The following PPA1 variants were observed in gnomAD, a reference collection of about 807,000 sequenced individuals.
PPA1 encodes inorganic pyrophosphatase 1.
Under a neutral mutation model 41.8 loss-of-function variants are expected in PPA1, and 23 were observed. The ratio of observed to expected loss-of-function variants is 0.55; its 90% CI spans 0.40 to 0.78. The LOEUF (loss-of-function observed/expected upper bound fraction) is 0.78, where lower values mean the gene tolerates loss of function less well. Among genes scored for constraint, PPA1 ranks in the 30% least tolerant of loss-of-function variants. The pLI is 0.00. For synonymous variants in PPA1, 101 were observed against 116.8 expected, an observed-to-expected ratio of 0.86 and a Z score of 0.87; for missense variants, 320 against 361.6, an observed-to-expected ratio of 0.89 and a Z score of 0.93.
At chr10:70,206,234 T>C in intron 9 of PPA1, 30 bp downstream of exon 9, 1 of 1,515,624 alleles carries the variant, frequency 6.6e-7, no homozygotes, top group Non-Finnish European at 9.1e-7. Flanking sequence ...CAACCAGGCT[T>C]GTTTTTTTTT....
At position 70,217,805 on chromosome 10, in the gene PPA1, GAC is replaced by G; in HGVS notation, c.297+5_297+6del. On this transcript the variant is annotated splice_donor_5th_base_variant and intron_variant, in intron 4 of 10. Coordinates refer to ENST00000373232, the MANE Select transcript of PPA1 (RefSeq NM_021129.4). Reference sequence around the variant, plus strand: ...AGTACATTGTCAGCAGTTGCATGAAGACATACCTGAGGGATGGCACCATAGTT... The same window carrying G: ...AGTACATTGTCAGCAGTTGCATGAAGATACCTGAGGGATGGCACCATAGTT... The G allele has an allele frequency of 6.5e-7, 1 of 1,544,712 alleles. No individual in the cohort carries two copies. Among genetic ancestry groups the G allele is most frequent in the African/African-American group, 1.4e-5 (1 of 73,140 alleles).
chr10:70,223,217 AAGAGAG>A (rs10686040), intron 2 of PPA1, among the ~76,000 whole-genome samples: 15 of 148,726 alleles, frequency 1.0e-4, no homozygotes, highest in Non-Finnish European at 1.5e-4. Context: ...CATTTTTTTA[AAGAGAG>A]AGAGAGAGAG....
chr10:70,206,700 C>T (rs746815799), intron 8 of PPA1, among the ~76,000 whole-genome samples: 44 of 150,632 alleles, frequency 2.9e-4, no homozygotes, highest in Non-Finnish European at 4.1e-4. Context: ...AAAAATTAGC[C>T]GGGCATGGTG....
At position 70,209,559 on chromosome 10, in the gene PPA1, T is replaced by G; in HGVS notation, c.638A>C (p.Lys213Thr). Residue 213 changes from lysine (K) to threonine (T), a missense_variant and splice_region_variant, in exon 7 of 11, where the codon AAG becomes ACG. Coordinates refer to ENST00000373232, the MANE Select transcript of PPA1 (RefSeq NM_021129.4). ...CTACAGTTCTGAATGACATATTACC[T>G]TATCTTTAAATTCTGCATTAAACGC... ...EFAFNAEFKD[K>T]DFAIDIIKST... 1 of 1,598,004 alleles carries G rather than the reference T, an allele frequency of 6.3e-7. No individual in the cohort carries two copies. Among genetic ancestry groups the G allele is most frequent in the Non-Finnish European group, 8.5e-7 (1 of 1,176,284 alleles).
intron 9 of PPA1, chr10:70,205,550 C>CA (rs1396684493): frequency 2.6e-5 from 4 of 152,042 alleles, no homozygotes; most frequent in Non-Finnish European, 5.9e-5. Flanking sequence ...TAACCACTGG[C>CA]TTTTCCCTTA....
chr10:70,206,082 C>G lies in PPA1; in HGVS notation c.795+182G>C. 5.1e-6 allele frequency: 3 copies of G among 587,626 alleles called. No homozygotes were observed. In the East Asian group the frequency reaches 8.5e-5, roughly 17 times the overall value. 36.4% of individuals were successfully genotyped at this position (587,626 alleles called of 1,614,324 possible). A position where few individuals can be genotyped will look rare whatever the true frequency, so the allele number is the denominator to read the frequency against. On this transcript the variant is annotated intron_variant, in intron 9 of 10. Coordinates refer to ENST00000373232, the MANE Select transcript of PPA1 (RefSeq NM_021129.4). Reference sequence around the variant, plus strand: ...TGATTGATTAGAATCACTCCCTCAGCTTCTCCCTCAGTCAAATGGCCACTT... The same window carrying G: ...TGATTGATTAGAATCACTCCCTCAGGTTCTCCCTCAGTCAAATGGCCACTT...
At chr10:70,212,637 G>C (rs1360421850) in intron 6 of PPA1, among the ~76,000 whole-genome samples, 2 of 152,178 alleles carry the variant, frequency 1.3e-5, no homozygotes, top group Admixed American at 1.3e-4. Context: ...CCTAGAATAG[G>C]TAGAATAGGC....
At chr10:70,213,790 C>CA (rs148400955) in intron 5 of PPA1, among the ~76,000 whole-genome samples, 313 of 150,712 alleles carry the variant, frequency 2.1e-3, no homozygotes, top group Non-Finnish European at 3.0e-3. Context: ...CTTATAGGTC[C>CA]TATTTTCTTC....
intron 2 of PPA1, among the ~76,000 whole-genome samples, chr10:70,220,739 TTATATATATATAATATATATAA>T (rs1840141037): frequency 1.7e-4 from 1 of 5,740 alleles, no homozygotes; most frequent in Non-Finnish European, 2.7e-4. Context: ...TATATATAAT[TTATATATATATAATATATATAA>T]TTTATATATA....
At chr10:70,207,338 T>C (rs1482036796) in intron 8 of PPA1, among the ~76,000 whole-genome samples, 1 of 152,200 alleles carries the variant, frequency 6.6e-6, no homozygotes, top group Non-Finnish European at 1.5e-5. Flanking sequence ...CCATAAAACA[T>C]ATTATACAGA....
intron 1 of PPA1, among the ~76,000 whole-genome samples, chr10:70,232,182 A>G (rs1840295650): frequency 1.3e-5 from 2 of 152,140 alleles, no homozygotes; most frequent in African/African-American, 4.8e-5. Flanking sequence ...GCACCAGGCT[A>G]CTTTTTGTTC....
chr10:70,218,067 T>A, intron 3 of PPA1, 136 bp from the exon 4 acceptor site: 1 of 779,798 alleles, frequency 1.3e-6, no homozygotes, highest in Non-Finnish European at 1.9e-6. Context: ...AACACTTTTA[T>A]AATTGAACTA....
chr10:70,233,112 T>G (rs1357834133), intron 1 of PPA1, 152 bp downstream of exon 1: 1 of 855,078 alleles, frequency 1.2e-6, no homozygotes, highest in Admixed American at 3.9e-5. Context: ...AAGTATGCAA[T>G]GTGAGGCCGG....
In PPA1 at chr10:70,233,359, A is replaced by T; in HGVS notation, c.-32T>A. 1 of 1,530,972 alleles carries T rather than the reference A, an allele frequency of 6.5e-7. No homozygotes were observed. Among genetic ancestry groups the T allele is most frequent in the Non-Finnish European group, 8.8e-7 (1 of 1,141,576 alleles). 94.8% of individuals were successfully genotyped at this position (1,530,972 alleles called of 1,614,324 possible). A position where few individuals can be genotyped will look rare whatever the true frequency, so the allele number is the denominator to read the frequency against. On this transcript the variant is annotated 5_prime_UTR_variant, in exon 1 of 11. Transcript: ENST00000373232. ...GGAGTCCTGCCGCCGCCGCTGCCAC[A>T]GAGCCACCAGCCCGCACGCGGCGCC...
rs141014896 is a variant in PPA1 at position 70,209,782 on chromosome 10, C to T, written c.512-97G>A. 3.7e-4 allele frequency: 501 copies of T among 1,362,598 alleles called. 1 individual carries two copies. In the Middle Eastern group the frequency reaches 7.1e-3, roughly 19 times the overall value. 84.4% of individuals were successfully genotyped at this position (1,362,598 alleles called of 1,614,324 possible). A position where few individuals can be genotyped will look rare whatever the true frequency, so the allele number is the denominator to read the frequency against. ...TTCAAGATGCACAAATAATTATACA[C>T]TCAACAAAAATTCCAAGTACTTATT... On this transcript the variant is annotated intron_variant, in intron 6 of 10. Coordinates refer to ENST00000373232, the MANE Select transcript of PPA1 (RefSeq NM_021129.4).
intron 6 of PPA1, chr10:70,210,027 C>A: frequency 6.4e-6 from 2 of 310,342 alleles, no homozygotes; most frequent in East Asian, 1.0e-4. Context: ...ACCAGTTTGG[C>A]AAATGTAGAT....
At chr10:70,212,188 G>C (rs945096551) in intron 6 of PPA1, among the ~76,000 whole-genome samples, 5 of 152,160 alleles carry the variant, frequency 3.3e-5, no homozygotes, top group African/African-American at 1.2e-4. Context: ...GAATTCTTCT[G>C]CTTTGAGATT....
Position 70,227,399 on chromosome 10 carries a change from C to G in PPA1, c.123+2942G>C, listed in dbSNP as rs370254041. ...ACACAGTGGCTCACGCCTGCAACCC[C>G]AGCACTTCTGGAGGCTGAGGTGGGC... On this transcript the variant is annotated intron_variant, in intron 2 of 10. Coordinates refer to ENST00000373232, the MANE Select transcript of PPA1 (RefSeq NM_021129.4). Among the ~76,000 whole-genome samples the G allele has an allele frequency of 8.2e-4, 125 of 152,332 alleles. 2 individuals are homozygous for G. In the South Asian group the frequency reaches 0.024, roughly 30 times the overall value.
intron 2 of PPA1, among the ~76,000 whole-genome samples, chr10:70,222,420 T>C (rs925810351): frequency 8.0e-5 from 12 of 150,684 alleles, no homozygotes; most frequent in African/African-American, 2.7e-4. Context: ...AATTCATTGA[T>C]TTTTTTCAAC....
Sources: allele counts gnomAD v4.1 joint callset (sites outside exome capture counted in the v4.1 genomes callset), GRCh38; gene constraint gnomAD v4.1.1; transcripts MANE v1.5; gene names NCBI Gene and HGNC (gene_info 2026-07-23, HGNC 2026-07-21).